SGIP1: variants seen among roughly 807,000 people sequenced by gnomAD.
SGIP1 encodes SH3-containing GRB2-like protein 3-interacting protein 1.
SGIP1 carries 38 observed loss-of-function variants against 107.5 expected under a neutral mutation model. That is an observed-to-expected ratio of 0.35 (90% CI 0.27 to 0.46). The LOEUF (loss-of-function observed/expected upper bound fraction) is 0.46. Ranked by LOEUF, SGIP1 falls within the 20% of genes least tolerant of loss-of-function variation. The pLI is 1.00. For synonymous variants in SGIP1, 365 were observed against 366.1 expected, an observed-to-expected ratio of 1.00 and a Z score of 0.03; for missense variants, 929 against 1,019.5, an observed-to-expected ratio of 0.91 and a Z score of 1.21.
chr1:66,667,822 T>C (rs1162310592), intron 9 of SGIP1, among the ~76,000 whole-genome samples: 1 of 152,198 alleles, frequency 6.6e-6, no homozygotes, highest in African/African-American at 2.4e-5. Context: ...TATATGTGTG[T>C]GTGTGTGTAT....
chr1:66,580,515 C>T (rs1029599621), intron 1 of SGIP1, among the ~76,000 whole-genome samples: 2 of 152,162 alleles, frequency 1.3e-5, no homozygotes, highest in Non-Finnish European at 1.5e-5. Context: ...CGTAATACTT[C>T]TCTCCATCTG....
At chr1:66,626,617 G>T (rs1241524554) in intron 2 of SGIP1, among the ~76,000 whole-genome samples, 2 of 152,086 alleles carry the variant, frequency 1.3e-5, no homozygotes, top group Admixed American at 6.6e-5. Flanking sequence ...GAAGTATTTG[G>T]CTCTGACACA....
chr1:66,640,646 G>T (rs1301249584), intron 5 of SGIP1, among the ~76,000 whole-genome samples: 1 of 152,158 alleles, frequency 6.6e-6, no homozygotes, highest in Non-Finnish European at 1.5e-5. Context: ...CAAATGCGAA[G>T]CTAGAGAGAG....
At chr1:66,547,165 T>C (rs1557842474) in intron 1 of SGIP1, among the ~76,000 whole-genome samples, 1 of 152,206 alleles carries the variant, frequency 6.6e-6, no homozygotes, top group East Asian at 1.9e-4. Context: ...GATGAATCCC[T>C]GCTACAGGCA....
chr1:66,671,717 A>G (rs549328035), intron 10 of SGIP1, among the ~76,000 whole-genome samples: 2 of 152,296 alleles, frequency 1.3e-5, no homozygotes, highest in East Asian at 3.9e-4. Flanking sequence ...CTTGTCACGG[A>G]AGTTCCTTAG....
chr1:66,629,705 A>C (rs180732702), intron 2 of SGIP1, among the ~76,000 whole-genome samples: 81 of 152,342 alleles, frequency 5.3e-4, no homozygotes, highest in African/African-American at 1.7e-3. Flanking sequence ...AAAAGAAAAA[A>C]ATTATTTTAA....
chr1:66,726,177 C>T (rs2093746891), intron 19 of SGIP1, among the ~76,000 whole-genome samples: 1 of 152,198 alleles, frequency 6.6e-6, no homozygotes, highest in South Asian at 2.1e-4. Flanking sequence ...CAAGAGCCTG[C>T]ATTTGCAAGC....
intron 7 of SGIP1, among the ~76,000 whole-genome samples, chr1:66,650,651 A>C (rs918887439): frequency 6.6e-6 from 1 of 152,140 alleles, no homozygotes; most frequent in Admixed American, 6.6e-5. Context: ...CACACGGAGC[A>C]CTGTCTGACA....
Position 66,718,321 on chromosome 1 carries a change from C to CA in SGIP1, c.1631-963dup, listed in dbSNP as rs111965207. ...CAATACCATGCCTAGAGATCAATAA[C>CA]AAAAAAAAAATCTTAAATGTTGATA... is the stretch of plus-strand genomic sequence containing the variant. On this transcript the variant is annotated intron_variant, in intron 18 of 24. Coordinates refer to ENST00000371037, the MANE Select transcript of SGIP1 (RefSeq NM_032291.4). Among the ~76,000 whole-genome samples the CA allele has an allele frequency of 3.6e-4, 53 of 147,334 alleles. 1 individual carries two copies. Among genetic ancestry groups the CA allele is most frequent in the Admixed American group, 8.7e-4 (13 of 14,874 alleles).
intron 1 of SGIP1, among the ~76,000 whole-genome samples, chr1:66,618,173 T>C (rs1284256697): frequency 6.6e-6 from 1 of 152,256 alleles, no homozygotes. Context: ...ATTGAGTTTT[T>C]AGTGTATCAT....
intron 1 of SGIP1, among the ~76,000 whole-genome samples, chr1:66,559,633 G>A (rs2058656215): frequency 6.6e-6 from 1 of 152,056 alleles, no homozygotes; most frequent in Non-Finnish European, 1.5e-5. Flanking sequence ...GCCATCCTCT[G>A]CCTTCAGTAC....
intron 12 of SGIP1, 168 bp from the exon 13 acceptor site, chr1:66,676,836 T>G (rs1044628901): frequency 3.0e-5 from 18 of 605,026 alleles, no homozygotes; most frequent in Non-Finnish European, 4.7e-5. Flanking sequence ...CCTATTTCTA[T>G]TCTCTGCTTG....
At chr1:66,607,379 G>A (rs1421754580) in intron 1 of SGIP1, among the ~76,000 whole-genome samples, 1 of 152,200 alleles carries the variant, frequency 6.6e-6, no homozygotes, top group Non-Finnish European at 1.5e-5. Flanking sequence ...CTGGGGTGTG[G>A]TCTCAGGCAG....
intron 1 of SGIP1, 139 bp from the exon 2 acceptor site, chr1:66,625,708 C>G: frequency 1.6e-6 from 1 of 625,986 alleles, no homozygotes; most frequent in South Asian, 2.5e-5. Flanking sequence ...GACATGCAGA[C>G]ACACATACCT....
intron 2 of SGIP1, among the ~76,000 whole-genome samples, chr1:66,626,525 G>C (rs1397353852): frequency 6.6e-6 from 1 of 152,186 alleles, no homozygotes; most frequent in Non-Finnish European, 1.5e-5. Context: ...GACACTGATA[G>C]ACTCTGAAAA....
intron 1 of SGIP1, among the ~76,000 whole-genome samples, chr1:66,557,053 C>T (rs2058287327): frequency 6.6e-6 from 1 of 152,000 alleles, no homozygotes. Flanking sequence ...TTTGTAGGTA[C>T]CCTGAGATGT....
chr1:66,647,820 C>T (rs1313923576), intron 7 of SGIP1, among the ~76,000 whole-genome samples: 2 of 152,152 alleles, frequency 1.3e-5, no homozygotes, highest in African/African-American at 4.8e-5. Flanking sequence ...AAAGAAAAGT[C>T]TTCCTTTTAT....
intron 9 of SGIP1, among the ~76,000 whole-genome samples, chr1:66,669,363 AG>A (rs1472833492): frequency 1.3e-5 from 2 of 152,318 alleles, no homozygotes; most frequent in Non-Finnish European, 2.9e-5. Context: ...AGGGACAAAA[AG>A]GTCTTCAATA....
chr1:66,750,067 G>C lies in SGIP1; in HGVS notation c.*6972G>C, dbSNP rs983640946. The stretch of plus-strand genomic sequence containing the variant: ...TGTGTGTGTGTGTGTGTGTGTGTGT[G>C]TCTCTTTCCTCTCTGTCTAAGGGGA... On this transcript the variant is annotated 3_prime_UTR_variant, in exon 25 of 25. Transcript: ENST00000371037. Among the ~76,000 whole-genome samples the C allele has an allele frequency of 6.7e-6, 1 of 148,478 alleles. No individual in the cohort carries two copies. The highest frequency in any genetic ancestry group is 1.5e-5 in the Non-Finnish European group (1 of 67,248).
Sources: gnomAD v4.1 joint callset for allele counts (sites outside exome capture counted in the v4.1 genomes callset) on GRCh38, gnomAD v4.1.1 for gene constraint, MANE v1.5 for transcripts, NCBI Gene and HGNC (gene_info 2026-07-23, HGNC 2026-07-21) for gene names.